Variants in ATG7 observed in about 807,000 individuals in gnomAD.
The protein encoded by ATG7 is ubiquitin-like modifier-activating enzyme ATG7.
ATG7 carries 70 observed loss-of-function variants against 82.4 expected under a neutral mutation model. The observed-to-expected ratio is 0.85, with a 90% CI of 0.70 to 1.04. The LOEUF (loss-of-function observed/expected upper bound fraction) is 1.04. Ranked by LOEUF, ATG7 falls within the 50% of genes least tolerant of loss-of-function variation. ATG7 has a pLI of 0.00. For missense variants in ATG7, 792 were observed against 864.3 expected (o/e 0.92, Z 1.05); for synonymous variants, 287 against 313.0 (o/e 0.92, Z 0.88).
Position 11,308,909 on chromosome 3 carries a change from C to T in ATG7, c.334-75C>T, listed in dbSNP as rs1453736737. 47 of 1,369,664 alleles carry T rather than the reference C, an allele frequency of 3.4e-5. No individual in the cohort carries two copies. In the Middle Eastern group the frequency reaches 5.3e-4, roughly 16 times the overall value. The allele number at this position is 1,369,664 out of a possible 1,614,324, so 84.8% of individuals were successfully genotyped here. Reference sequence around the variant, plus strand: ...GAAAGAAGAGCCTGGTGCTTTTCAGCTCCACACTTCACCTGAGAGTGAGAA... The same window carrying T: ...GAAAGAAGAGCCTGGTGCTTTTCAGTTCCACACTTCACCTGAGAGTGAGAA... On this transcript the variant is annotated intron_variant, in intron 6 of 20. Transcript: ENST00000693202.
chr3:11,570,991 G>C, the ATG7 span, among the ~76,000 whole-genome samples: 2 of 152,198 alleles, frequency 1.3e-5, no homozygotes, highest in African/African-American at 4.8e-5. Context: ...ATTTTAGACG[G>C]GAAGTGAGGG....
At chr3:11,412,219 A>G (rs73017678) in intron 19 of ATG7, among the ~76,000 whole-genome samples, 6,210 of 151,990 alleles carry the variant, frequency 0.041, 171 homozygotes, top group Middle Eastern at 0.097. Flanking sequence ...GGGGTAAGGA[A>G]GCATCTGGTG....
the ATG7 span, among the ~76,000 whole-genome samples, chr3:11,573,352 AAAGAAAGAAAGAAAG>A: frequency 1.1e-5 from 1 of 94,578 alleles, no homozygotes. Context: ...AGAAAGAAAG[AAAGAAAGAAAGAAAG>A]AAAGAAAGAA....
the ATG7 span, chr3:11,564,925 C>T: frequency 1.2e-5 from 19 of 1,591,712 alleles, no homozygotes; most frequent in East Asian, 1.8e-4. Flanking sequence ...AGGTGGCTGC[C>T]GTGCAGGCTC....
At chr3:11,319,679 G>A (rs1260940391) in intron 9 of ATG7, among the ~76,000 whole-genome samples, 1 of 152,148 alleles carries the variant, frequency 6.6e-6, no homozygotes, top group Non-Finnish European at 1.5e-5. Flanking sequence ...TCCTTTTCTG[G>A]CTTCATTGGC....
chr3:11,515,690 T>A (rs2124861453), intron 20 of ATG7, among the ~76,000 whole-genome samples: 1 of 151,168 alleles, frequency 6.6e-6, no homozygotes, highest in East Asian at 1.9e-4. Flanking sequence ...AACTGTTCTC[T>A]CTTTCTCTCT....
chr3:11,284,907 C>T (rs554767816), intron 3 of ATG7, among the ~76,000 whole-genome samples: 3 of 146,812 alleles, frequency 2.0e-5, no homozygotes, highest in Admixed American at 6.9e-5. Context: ...AGTGCAGGTG[C>T]GCAATCTTGG....
chr3:11,336,116 T>C (rs1447724665), intron 11 of ATG7, among the ~76,000 whole-genome samples: 2 of 149,382 alleles, frequency 1.3e-5, no homozygotes, highest in African/African-American at 4.9e-5. Context: ...CTCAGCTTAC[T>C]GCAATCCTGG....
At chr3:11,409,286 C>T (rs915542767) in intron 19 of ATG7, among the ~76,000 whole-genome samples, 1 of 152,108 alleles carries the variant, frequency 6.6e-6, no homozygotes, top group Non-Finnish European at 1.5e-5. Context: ...TTGATATTTT[C>T]CCAGGCTAGT....
At chr3:11,568,863 C>T in the ATG7 span, 2 of 1,372,138 alleles carry the variant, frequency 1.5e-6, no homozygotes, top group East Asian at 2.9e-5. The surrounding 1 kb of genome is among the most constrained non-coding windows in gnomAD (Gnocchi z 5.9). Context: ...CCTATCAGAG[C>T]CGCTGAGGCT....
chr3:11,497,357 C>CTATA (rs58838386), intron 20 of ATG7, among the ~76,000 whole-genome samples: 3,644 of 57,134 alleles, frequency 0.064, 216 homozygotes, highest in East Asian at 0.14. Flanking sequence ...ACTAAAAATA[C>CTATA]TATATATATA....
chr3:11,370,338 T>C (rs1413689309), intron 18 of ATG7, among the ~76,000 whole-genome samples: 2 of 151,062 alleles, frequency 1.3e-5, no homozygotes, highest in Admixed American at 6.6e-5. Flanking sequence ...TTGGTGACTC[T>C]AGCTTAATAG....
At chr3:11,352,551 G>C (rs1188242335) in intron 14 of ATG7, among the ~76,000 whole-genome samples, 1 of 152,122 alleles carries the variant, frequency 6.6e-6, no homozygotes, top group Non-Finnish European at 1.5e-5. Context: ...ATTCTAACTT[G>C]TGTTAGATGG....
At chr3:11,514,526 C>T (rs2092202703) in intron 20 of ATG7, among the ~76,000 whole-genome samples, 1 of 152,178 alleles carries the variant, frequency 6.6e-6, no homozygotes, top group South Asian at 2.1e-4. Flanking sequence ...TTTTACCCAC[C>T]CTCAGCCACC....
chr3:11,510,349 ATTTGTC>A lies in ATG7; in HGVS notation c.2080-44456_2080-44451del, dbSNP rs577363740. 1.6e-3 allele frequency: 701 copies of A among 445,510 alleles called. 3 individuals carry two copies. Among genetic ancestry groups the A allele is most frequent in the African/African-American group, 0.012 (609 of 49,076 alleles). The allele number at this position is 445,510 out of a possible 1,614,324, so 27.6% of individuals were successfully genotyped here. On this transcript the variant is annotated intron_variant, in intron 20 of 20. Coordinates refer to ENST00000693202, the MANE Select transcript of ATG7 (RefSeq NM_001349232.2). ...TGTATAATTTGTGTTATTACCTCTT[ATTTGTC>A]TTTGTAAGTTTGTCCCTGCCCCAGT...
intron 20 of ATG7, among the ~76,000 whole-genome samples, chr3:11,444,772 T>G (rs1007110217): frequency 2.6e-5 from 4 of 151,976 alleles, no homozygotes; most frequent in African/African-American, 9.7e-5. Context: ...TATCAGTAAA[T>G]AGATAATCTA....
intron 20 of ATG7, among the ~76,000 whole-genome samples, chr3:11,484,000 AT>A (rs1258940828): frequency 6.6e-6 from 1 of 152,176 alleles, no homozygotes; most frequent in Non-Finnish European, 1.5e-5. Flanking sequence ...ATAGGGTAGA[AT>A]TTGGTATAAT....
intron 18 of ATG7, among the ~76,000 whole-genome samples, chr3:11,377,299 A>G (rs2077493089): frequency 6.6e-6 from 1 of 152,186 alleles, no homozygotes; most frequent in African/African-American, 2.4e-5. Flanking sequence ...CCTCACACAC[A>G]TATTATTCTA....
At chr3:11,515,235 C>G in intron 20 of ATG7, among the ~76,000 whole-genome samples, 1 of 152,154 alleles carries the variant, frequency 6.6e-6, no homozygotes, top group East Asian at 1.9e-4. Context: ...AGCCACTTTT[C>G]AGTGTGTTCA....
Sources: allele counts gnomAD v4.1 joint callset (sites outside exome capture counted in the v4.1 genomes callset), GRCh38; gene constraint gnomAD v4.1.1; non-coding constraint Gnocchi (gnomAD v3.1); transcripts MANE v1.5; gene names NCBI Gene and HGNC (gene_info 2026-07-23, HGNC 2026-07-21).